MBL2: variants seen among roughly 807,000 people sequenced by gnomAD.
The protein encoded by MBL2 is mannose binding lectin 2.
Under a neutral mutation model 12.7 loss-of-function variants are expected in MBL2, and 6 were observed. The ratio of observed to expected loss-of-function variants is 0.47; its 90% CI spans 0.26 to 0.94. MBL2 has a LOEUF of 0.94. Ranked by LOEUF, MBL2 falls within the 40% of genes least tolerant of loss-of-function variation. MBL2 has a pLI of 0.15. For synonymous variants in MBL2, 114 were observed against 112.0 expected (o/e 1.02, Z -0.11); for missense variants, 307 against 295.2 (o/e 1.04, Z -0.29).
chr10:52,769,372 C>G (rs964029509), intron 3 of MBL2, 57 bp from the exon 4 acceptor site: 45 of 1,024,482 alleles, frequency 4.4e-5, no homozygotes, highest in Non-Finnish European at 6.0e-5. Flanking sequence ...CAGAACTGTG[C>G]ATATACAAGG....
Position 52,767,219 on chromosome 10 carries a change from T to C in MBL2, c.*918A>G, listed in dbSNP as rs1432816265. The C allele has an allele frequency of 6.6e-6, 1 of 151,926 alleles. No individual in the cohort carries two copies. The highest frequency in any genetic ancestry group is 2.4e-5 in the African/African-American group (1 of 41,250). The allele number at this position is 151,926 out of a possible 1,614,324, so 9.4% of individuals were successfully genotyped here. ...GAATGTTCGTGGGTTCTCTTCCTCATGGCCAAAAATTGGAAGCCACTTAAG... is the reference window on the plus strand; with the variant it reads ...GAATGTTCGTGGGTTCTCTTCCTCACGGCCAAAAATTGGAAGCCACTTAAG... On this transcript the variant is annotated 3_prime_UTR_variant, in exon 5 of 5. Coordinates refer to ENST00000674931, the MANE Select transcript of MBL2 (RefSeq NM_001378373.1).
Position 52,770,732 on chromosome 10 carries a change from T to C in MBL2, c.242A>G (p.Asn81Ser). The C allele has an allele frequency of 6.6e-7, 1 of 1,524,484 alleles. No individual in the cohort carries two copies. The highest frequency in any genetic ancestry group is 8.9e-7 in the Non-Finnish European group (1 of 1,128,708). The allele number at this position is 1,524,484 out of a possible 1,614,324, so 94.4% of individuals were successfully genotyped here. The change falls in exon 3 of 5, where the codon AAT becomes AGT. Residue 81 changes from asparagine to serine, a missense_variant. Physicochemically the swap from Asn to Ser is conservative, Grantham distance 46 (BLOSUM62 1). Coordinates refer to ENST00000674931, the MANE Select transcript of MBL2 (RefSeq NM_001378373.1). ...GPPGKLGPPG[N>S]PGPSGSPGPK... Reference sequence around the variant, plus strand: ...TCCTGGTGACCCAGAAGGCCCTGGATTTCCTGGAGGCCCCAACTTTCCAGG... The same window carrying C: ...TCCTGGTGACCCAGAAGGCCCTGGACTTCCTGGAGGCCCCAACTTTCCAGG...
chr10:52,769,026 T>C (rs946883331), intron 4 of MBL2, among the ~76,000 whole-genome samples: 1 of 152,004 alleles, frequency 6.6e-6, no homozygotes, highest in Non-Finnish European at 1.5e-5. Context: ...CTGACTTCCA[T>C]CTATAAACCA....
At position 52,771,550 on chromosome 10, in the gene MBL2, T is replaced by C. The variant is rs1156702796; in HGVS notation, c.86A>G (p.Gln29Arg). 6.2e-7 allele frequency: 1 copy of C among 1,613,966 alleles called. No individual in the cohort carries two copies. The highest frequency in any genetic ancestry group is 1.7e-5 in the Admixed American group (1 of 60,010). Residue 29 changes from glutamine (Q) to arginine (R), a missense_variant, in exon 2 of 5, where the codon CAA becomes CGA. Gln to Arg is a conservative substitution (Grantham distance 43, BLOSUM62 1). Transcript: ENST00000674931. ...YSETVTCEDA[Q>R]KTCPAVIACS... Reference sequence around the variant, plus strand: ...GGCAATCACTGCAGGGCAGGTCTTTTGGGCATCCTCACAGGTCACAGTTTC... The same window carrying C: ...GGCAATCACTGCAGGGCAGGTCTTTCGGGCATCCTCACAGGTCACAGTTTC...
At chr10:52,769,943 G>T (rs1840366277) in intron 3 of MBL2, among the ~76,000 whole-genome samples, 1 of 152,164 alleles carries the variant, frequency 6.6e-6, no homozygotes, top group East Asian at 1.9e-4. Context: ...AATCTGGGCT[G>T]GCCTTGTGAC....
chr10:52,768,331 C>G lies in MBL2; in HGVS notation c.553G>C (p.Gly185Arg). The G allele has an allele frequency of 6.2e-7, 1 of 1,613,820 alleles. No individual in the cohort carries two copies. The highest frequency in any genetic ancestry group is 8.5e-7 in the Non-Finnish European group (1 of 1,179,974). ...QNLIKEEAFL[G>R]ITDEKTEGQF... is the part of the protein sequence containing the mutation. ...CCTTCTGTCTTCTCATCAGTGATGC[C>G]CAGGAAGGCTTCCTCCTTGATGAGA... Residue 185 changes from glycine to arginine, a missense_variant, in exon 5 of 5, where the codon GGC becomes CGC. By Grantham distance (125) the Gly-to-Arg change is moderately radical (BLOSUM62 -2). Coordinates refer to ENST00000674931, the MANE Select transcript of MBL2 (RefSeq NM_001378373.1).
chr10:52,768,986 C>T (rs34650082), intron 4 of MBL2, among the ~76,000 whole-genome samples: 1,967 of 152,072 alleles, frequency 0.013, 34 homozygotes, highest in Non-Finnish European at 0.022. Flanking sequence ...CAATATCAGA[C>T]GGTAAAGGAT....
In MBL2 at chr10:52,768,118, G is replaced by C; in HGVS notation, c.*19C>G. The C allele has an allele frequency of 6.3e-7, 1 of 1,575,766 alleles. No individual in the cohort carries two copies. Among genetic ancestry groups the C allele is most frequent in the Middle Eastern group, 1.7e-4 (1 of 5,766 alleles). ...GGGTTGCAGTAAAAAGACAAGGAGGGCCTGAGTGATATGACCCTTCAGATA... is the reference window on the plus strand; with the variant it reads ...GGGTTGCAGTAAAAAGACAAGGAGGCCCTGAGTGATATGACCCTTCAGATA... On this transcript the variant is annotated 3_prime_UTR_variant, in exon 5 of 5. Coordinates refer to ENST00000674931, the MANE Select transcript of MBL2 (RefSeq NM_001378373.1).
intron 3 of MBL2, 121 bp from the exon 4 acceptor site, chr10:52,769,436 T>A (rs1219337912): frequency 1.6e-6 from 1 of 606,204 alleles, no homozygotes; most frequent in African/African-American, 1.9e-5. Context: ...CATTGATGTT[T>A]ACACTTTGAA....
Position 52,768,069 on chromosome 10 carries a change from T to C in MBL2, c.*68A>G. 6.6e-7 allele frequency: 1 copy of C among 1,504,762 alleles called. No individual in the cohort carries two copies. The highest frequency in any genetic ancestry group is 2.3e-5 in the East Asian group (1 of 43,884). The allele number at this position is 1,504,762 out of a possible 1,614,324, so 93.2% of individuals were successfully genotyped here. On this transcript the variant is annotated 3_prime_UTR_variant, in exon 5 of 5. Coordinates refer to ENST00000674931, the MANE Select transcript of MBL2 (RefSeq NM_001378373.1). ...TATGAGGAAATTGATATAATTTATC[T>C]TTTCAAGCATACTGTGGGCCTGTGG...
chr10:52,772,499 T>C (rs1046904345), intron 1 of MBL2, among the ~76,000 whole-genome samples: 8 of 152,072 alleles, frequency 5.3e-5, no homozygotes, highest in African/African-American at 1.4e-4. Flanking sequence ...GCCCCATAGG[T>C]CTAAGCCTCC....
At chr10:52,768,638 A>T in intron 4 of MBL2, 128 bp from the exon 5 acceptor site, 1 of 616,780 alleles carries the variant, frequency 1.6e-6, no homozygotes, top group African/African-American at 1.8e-5. Context: ...TTTGAATTTC[A>T]GACAAACAAT....
Position 52,768,005 on chromosome 10 carries a change from T to A in MBL2, c.*132A>T. 1 of 1,136,348 alleles carries A rather than the reference T, an allele frequency of 8.8e-7. No homozygotes were observed. The highest frequency in any genetic ancestry group is 2.6e-5 in the Admixed American group (1 of 37,946). The allele number at this position is 1,136,348 out of a possible 1,614,324, so 70.4% of individuals were successfully genotyped here. A position where few individuals can be genotyped will look rare whatever the true frequency, so the allele number is the denominator to read the frequency against. ...ATTGCTTTGTTGGTGCTGTTAGTGA[T>A]CATTTTTAGTGATTGCCCACAAAAG... On this transcript the variant is annotated 3_prime_UTR_variant, in exon 5 of 5. Transcript: ENST00000674931.
rs1286276281 is a variant in MBL2 at position 52,766,001 on chromosome 10, A to G, written c.*2136T>C. ...AGAAAAGAAAAAATATTTAAAATATATTATTAAAATCACTAAAACCACCAA... is the reference window on the plus strand; with the variant it reads ...AGAAAAGAAAAAATATTTAAAATATGTTATTAAAATCACTAAAACCACCAA... On this transcript the variant is annotated 3_prime_UTR_variant, in exon 5 of 5. Transcript: ENST00000674931. 1 of 152,174 alleles carries G rather than the reference A, an allele frequency of 6.6e-6. No individual in the cohort carries two copies. The highest frequency in any genetic ancestry group is 1.5e-5 in the Non-Finnish European group (1 of 68,012). The allele number at this position is 152,174 out of a possible 1,614,324, so 9.4% of individuals were successfully genotyped here. A position where few individuals can be genotyped will look rare whatever the true frequency, so the allele number is the denominator to read the frequency against.
chr10:52,771,294 T>C (rs890683821), intron 2 of MBL2, among the ~76,000 whole-genome samples, 155 bp downstream of exon 2: 2 of 152,158 alleles, frequency 1.3e-5, no homozygotes, highest in African/African-American at 4.8e-5. Context: ...CTGTGTGGAA[T>C]TCTGAGATGC....
intron 1 of MBL2, among the ~76,000 whole-genome samples, chr10:52,772,139 C>A (rs7100749): frequency 1.3e-5 from 2 of 152,134 alleles, no homozygotes; most frequent in Non-Finnish European, 2.9e-5. Flanking sequence ...CATTGGCAGG[C>A]CCTGAGCTGA....
At chr10:52,771,746 T>C in intron 1 of MBL2, 102 bp from the exon 2 acceptor site, 1 of 1,452,360 alleles carries the variant, frequency 6.9e-7, no homozygotes, top group Non-Finnish European at 9.1e-7. Flanking sequence ...TATATAGAAA[T>C]AGATGACCCA....
Position 52,770,457 on chromosome 10 carries a change from G to C in MBL2, c.304+213C>G, listed in dbSNP as rs112508023. On this transcript the variant is annotated intron_variant, in intron 3 of 4. Coordinates refer to ENST00000674931, the MANE Select transcript of MBL2 (RefSeq NM_001378373.1). Reference sequence around the variant, plus strand: ...AGCTCTTACAGGGAGTGCCTGATGAGGGAGTTGTCTTGAAAAGTTTGTAAG... The same window carrying C: ...AGCTCTTACAGGGAGTGCCTGATGACGGAGTTGTCTTGAAAAGTTTGTAAG... 6.5e-3 allele frequency among the ~76,000 whole-genome samples: 983 copies of C among 152,340 alleles called. 8 individuals are homozygous for C. Among genetic ancestry groups the C allele is most frequent in the African/African-American group, 0.022 (934 of 41,580 alleles).
At position 52,769,250 on chromosome 10, in the gene MBL2, T is replaced by A; in HGVS notation, c.370A>T (p.Lys124Ter). The A allele has an allele frequency of 6.2e-7, 1 of 1,608,026 alleles. No homozygotes were observed. Among genetic ancestry groups the A allele is most frequent in the Non-Finnish European group, 8.5e-7 (1 of 1,177,576 alleles). The change falls in exon 4 of 5, where the codon AAG (lysine) becomes TAG (stop). Residue 124 changes from lysine (K) to a stop codon, truncating the protein, a stop_gained. Transcript: ENST00000674931. LOFTEE classifies it low-confidence loss of function (END_TRUNC). The stretch of plus-strand genomic sequence containing the variant: ...GAGAGTAAGAGAAAAAGCTTACACT[T>A]TTTGATACGTGCCATTTCTGTTTGC... ...ALQTEMARIK[K>*]WLTFSLGKQV...
Sources: allele counts gnomAD v4.1 joint callset (sites outside exome capture counted in the v4.1 genomes callset), GRCh38; gene constraint gnomAD v4.1.1; transcripts MANE v1.5; gene names NCBI Gene and HGNC (gene_info 2026-07-23, HGNC 2026-07-21).